The following SMARCB1 variants were observed in gnomAD, a reference collection of about 807,000 sequenced individuals.
SMARCB1 encodes SWI/SNF-related matrix-associated actin-dependent regulator of chromatin subfamily B member 1.
Under a neutral mutation model 49.0 loss-of-function variants are expected in SMARCB1, and 5 were observed. The observed-to-expected ratio is 0.10, with a 90% confidence interval of 0.05 to 0.21. The LOEUF is 0.21. Among genes scored for constraint, SMARCB1 ranks in the 10% least tolerant of loss-of-function variants. SMARCB1 has a pLI of 1.00. For synonymous variants in SMARCB1, 201 were observed against 200.1 expected, an observed-to-expected ratio of 1.00 and a Z score of -0.04; for missense variants, 226 against 509.2, an observed-to-expected ratio of 0.44 and a Z score of 5.35.
At chr22:23,804,597 G>C (rs1929377232) in intron 5 of SMARCB1, among the ~76,000 whole-genome samples, 2 of 152,140 alleles carry the variant, frequency 1.3e-5, no homozygotes, top group Admixed American at 1.3e-4. Flanking sequence ...AGGCTGGAGT[G>C]CGGTGGCACG....
At chr22:23,796,568 G>A (rs966404284) in intron 3 of SMARCB1, among the ~76,000 whole-genome samples, 2 of 152,304 alleles carry the variant, frequency 1.3e-5, no homozygotes, top group East Asian at 1.9e-4. Context: ...AAGGTGGCAC[G>A]CCTCCAGGCT....
intron 2 of SMARCB1, chr22:23,792,923 C>T (rs1421811460): frequency 5.9e-6 from 1 of 168,612 alleles, no homozygotes; most frequent in Admixed American, 5.4e-5. Flanking sequence ...CAGGAGAAGC[C>T]AGACTGGGCC....
chr22:23,820,430 C>T (rs1432789666), intron 6 of SMARCB1, among the ~76,000 whole-genome samples: 4 of 152,030 alleles, frequency 2.6e-5, no homozygotes, highest in East Asian at 1.9e-4. Flanking sequence ...AAAAATTAGC[C>T]GGGTATGGTG....
intron 7 of SMARCB1, among the ~76,000 whole-genome samples, chr22:23,831,016 T>G (rs1400810728): frequency 1.3e-5 from 2 of 152,140 alleles, no homozygotes; most frequent in Non-Finnish European, 2.9e-5. Flanking sequence ...TATCTAAGAA[T>G]CCATTGTCAA....
intron 7 of SMARCB1, 157 bp downstream of exon 7, chr22:23,825,572 T>TGGAGAGATACATAGGGCAGG: frequency 1.5e-6 from 1 of 657,016 alleles, no homozygotes; most frequent in Non-Finnish European, 2.7e-6. Flanking sequence ...CCTCCTGCCC[T>TGGAGAGATACATAGGGCAGG]ATGTATCTCT....
intron 4 of SMARCB1, 118 bp from the exon 5 acceptor site, chr22:23,803,177 A>G (rs909118154): frequency 9.6e-6 from 13 of 1,353,370 alleles, no homozygotes; most frequent in Non-Finnish European, 1.3e-5. Context: ...TTAGCTGACA[A>G]GCGGCCATCT....
In SMARCB1 at chr22:23,825,281, A is replaced by C. The variant is rs138735048; in HGVS notation, c.852A>C (p.Ser284=). 6.2e-6 allele frequency: 10 copies of C among 1,614,160 alleles called. No individual in the cohort carries two copies. The highest frequency in any genetic ancestry group is 8.5e-6 in the Non-Finnish European group (10 of 1,179,960). The change falls in exon 7 of 9, where the codon TCA becomes TCC. Residue 284 remains serine (S), a synonymous_variant. Transcript: ENST00000644036. ...SLVDQFEWDM[S]EKENSPEKFA... The stretch of plus-strand genomic sequence containing the variant: ...TGGACCAGTTTGAGTGGGACATGTC[A>C]GAGAAGGAGAACTCACCAGAGAAGT...
chr22:23,803,657 A>G lies in SMARCB1; in HGVS notation c.628+235A>G, dbSNP rs190949260. ...CCCCATACTGAGGTTGGGTGGCCCA[A>G]GAGGCCTGGCATGGGAGGCGGCTGA... is the stretch of plus-strand genomic sequence containing the variant. On this transcript the variant is annotated intron_variant, in intron 5 of 8. Coordinates refer to ENST00000644036, the MANE Select transcript of SMARCB1 (RefSeq NM_003073.5). The G allele has an allele frequency of 2.3e-4, 143 of 613,306 alleles. No individual in the cohort carries two copies. The Middle Eastern group carries it at 3.1e-3, about 13-fold the overall frequency. 38.0% of individuals were successfully genotyped at this position (613,306 alleles called of 1,614,324 possible).
intron 7 of SMARCB1, chr22:23,825,633 G>A (rs764660598): frequency 5.3e-4 from 305 of 578,172 alleles, no homozygotes; most frequent in Non-Finnish European, 7.4e-4. Context: ...CACAATAGCT[G>A]GCAAAGACTT....
intron 1 of SMARCB1, among the ~76,000 whole-genome samples, chr22:23,790,249 T>C (rs549426627): frequency 8.0e-4 from 122 of 152,284 alleles, no homozygotes; most frequent in Non-Finnish European, 1.5e-3. Flanking sequence ...ACTCTACATT[T>C]ACCATGATAC....
intron 4 of SMARCB1, chr22:23,801,856 A>C: frequency 5.8e-6 from 1 of 173,366 alleles, no homozygotes; most frequent in Non-Finnish European, 1.3e-5. Flanking sequence ...TCTGTTTTTT[A>C]CCTCTGTGGC....
intron 5 of SMARCB1, among the ~76,000 whole-genome samples, chr22:23,811,036 CAAAAAAA>C (rs56238275): frequency 3.8e-5 from 5 of 131,556 alleles, no homozygotes; most frequent in Non-Finnish European, 1.6e-5. Flanking sequence ...GACTGTGTCT[CAAAAAAA>C]AAAAAAAAAA....
chr22:23,820,987 C>T (rs967281894), intron 6 of SMARCB1, among the ~76,000 whole-genome samples: 7 of 152,354 alleles, frequency 4.6e-5, no homozygotes, highest in South Asian at 2.1e-4. Context: ...CTTCCCTTAA[C>T]GTTTTTCTCA....
In SMARCB1 at chr22:23,819,897, G is replaced by A. The variant is rs141418925; in HGVS notation, c.795+2961G>A. Among the ~76,000 whole-genome samples the A allele has an allele frequency of 6.6e-5, 10 of 151,976 alleles. No individual in the cohort carries two copies. In the East Asian group the frequency reaches 1.6e-3, roughly 24 times the overall value. On this transcript the variant is annotated intron_variant, in intron 6 of 8. Coordinates refer to ENST00000644036, the MANE Select transcript of SMARCB1 (RefSeq NM_003073.5). ...GCTGGAGTGCAGTGGCATGATCTTG[G>A]CTCACTGCAACTTCCACCTCCTGGA...
At chr22:23,817,935 C>T (rs1386094886) in intron 6 of SMARCB1, 2 of 151,996 alleles carry the variant, frequency 1.3e-5, no homozygotes, top group East Asian at 1.9e-4. Flanking sequence ...AAGCAATTCT[C>T]CTGTCTCAGC....
Position 23,791,820 on chromosome 22 carries a change from G to A in SMARCB1, c.158G>A (p.Arg53Gln), listed in dbSNP as rs779769475. 6 of 1,613,602 alleles carry A rather than the reference G, an allele frequency of 3.7e-6. No individual in the cohort carries two copies. The highest frequency in any genetic ancestry group is 2.7e-5 in the African/African-American group (2 of 74,918). Reference sequence around the variant, plus strand: ...AAGAGATACCCCTCACTCTGGAGGCGACTAGCCACTGTGGAAGAGAGGAAG... The same window carrying A: ...AAGAGATACCCCTCACTCTGGAGGCAACTAGCCACTGTGGAAGAGAGGAAG... ...LYKRYPSLWRRLATVEERKKI... is the reference protein window; with the variant it reads ...LYKRYPSLWRQLATVEERKKI... The change falls in exon 2 of 9, where the codon CGA becomes CAA. Residue 53 changes from arginine to glutamine, a missense_variant. Coordinates refer to ENST00000644036, the MANE Select transcript of SMARCB1 (RefSeq NM_003073.5).
At chr22:23,831,199 G>T (rs2030638581) in intron 7 of SMARCB1, among the ~76,000 whole-genome samples, 1 of 152,170 alleles carries the variant, frequency 6.6e-6, no homozygotes, top group Non-Finnish European at 1.5e-5. Context: ...AGTGGCTGTG[G>T]ACAGGTCATT....
intron 5 of SMARCB1, among the ~76,000 whole-genome samples, chr22:23,814,252 T>C (rs977358299): frequency 2.0e-5 from 3 of 152,198 alleles, no homozygotes; most frequent in African/African-American, 4.8e-5. Flanking sequence ...TGGAACAGAA[T>C]TGAGAATCCA....
At chr22:23,810,211 T>C (rs1929779580) in intron 5 of SMARCB1, among the ~76,000 whole-genome samples, 2 of 147,864 alleles carry the variant, frequency 1.4e-5, no homozygotes, top group Admixed American at 6.8e-5. Context: ...CCTGCAGACC[T>C]TCCCTAAAAG....
Sources: gnomAD v4.1 joint callset for allele counts (sites outside exome capture counted in the v4.1 genomes callset) on GRCh38, gnomAD v4.1.1 for gene constraint, MANE v1.5 for transcripts, NCBI Gene and HGNC (gene_info 2026-07-23, HGNC 2026-07-21) for gene names.